The following NCOA3 variants were observed in gnomAD, a reference collection of about 807,000 sequenced individuals.
The protein encoded by NCOA3 is nuclear receptor coactivator 3, also known as CBP-interacting protein.
A neutral mutation model predicts 158.8 loss-of-function variants in NCOA3; 51 were observed. That is an observed-to-expected ratio of 0.32 (90% CI 0.26 to 0.41). The LOEUF is 0.41. NCOA3 is among the 10% of genes least tolerant of loss of function. The pLI is 1.00. For synonymous variants in NCOA3, 537 were observed against 592.4 expected (o/e 0.91, Z 1.36); for missense variants, 1,510 against 1,746.6 (o/e 0.86, Z 2.41).
At chr20:47,653,156 C>T in intron 22 of NCOA3, 84 bp downstream of exon 22, 1 of 1,469,180 alleles carries the variant, frequency 6.8e-7, no homozygotes, top group East Asian at 2.3e-5. Flanking sequence ...ATCAGAATGT[C>T]CTAGGTATAT....
At chr20:47,626,904 A>G in intron 5 of NCOA3, 98 bp from the exon 6 acceptor site, 2 of 1,112,580 alleles carry the variant, frequency 1.8e-6, no homozygotes, top group South Asian at 1.8e-5. Flanking sequence ...TTGTTTCCAA[A>G]TACAGTTACA....
intron 1 of NCOA3, among the ~76,000 whole-genome samples, chr20:47,523,321 C>T (rs764631871): frequency 5.3e-5 from 8 of 152,030 alleles, no homozygotes; most frequent in African/African-American, 9.7e-5. Flanking sequence ...TGAAAAGGGG[C>T]GTGGAATGGG....
At chr20:47,632,155 T>A (rs142952892) in intron 8 of NCOA3, among the ~76,000 whole-genome samples, 1 of 152,340 alleles carries the variant, frequency 6.6e-6, no homozygotes, top group Non-Finnish European at 1.5e-5. Flanking sequence ...TTAGGTTTGA[T>A]GATTTGCTAG....
At chr20:47,568,352 G>C (rs1176018982) in intron 1 of NCOA3, among the ~76,000 whole-genome samples, 1 of 152,116 alleles carries the variant, frequency 6.6e-6, no homozygotes, top group Non-Finnish European at 1.5e-5. Flanking sequence ...AAAAATACAG[G>C]CATACCTCAG....
chr20:47,513,146 G>T (rs1281277227), intron 1 of NCOA3, among the ~76,000 whole-genome samples: 1 of 151,892 alleles, frequency 6.6e-6, no homozygotes, highest in Non-Finnish European at 1.5e-5. Context: ...TCCAGCTGGG[G>T]AAACAGAGCA....
At chr20:47,648,881 C>A (rs776325028) in intron 18 of NCOA3, 124 bp from the exon 19 acceptor site, 7 of 612,328 alleles carry the variant, frequency 1.1e-5, no homozygotes, top group Non-Finnish European at 2.0e-5. Context: ...TCAGTTTAGA[C>A]GTGACTTAGC....
chr20:47,546,382 G>C (rs894272716), intron 1 of NCOA3, among the ~76,000 whole-genome samples: 1 of 152,062 alleles, frequency 6.6e-6, no homozygotes, highest in Non-Finnish European at 1.5e-5. Context: ...TATCCTGTTA[G>C]TAACGTAACA....
intron 1 of NCOA3, among the ~76,000 whole-genome samples, chr20:47,547,819 G>A (rs556384841): frequency 1.4e-4 from 22 of 152,092 alleles, no homozygotes; most frequent in African/African-American, 5.1e-4. Flanking sequence ...GGGTTCAAGC[G>A]ATTGTCGTGC....
At chr20:47,555,012 A>G (rs1319721789) in intron 1 of NCOA3, among the ~76,000 whole-genome samples, 1 of 152,206 alleles carries the variant, frequency 6.6e-6, no homozygotes, top group Non-Finnish European at 1.5e-5. Flanking sequence ...AAACAGAGAT[A>G]TAGACCAATG....
rs35406814 is a variant in NCOA3, at chr20:47,520,061, C to CAAA, written c.-99+18069_-99+18071dup. On this transcript the variant is annotated intron_variant, in intron 1 of 22. Transcript: ENST00000371998. ...ACAGGTGTGAGCAACTGTGCCTGGC[C>CAAA]AAAAAAAAAAAAAAAAAAAAAAAAA... is the stretch of plus-strand genomic sequence containing the variant. Among the ~76,000 whole-genome samples the CAAA allele has an allele frequency of 1.0e-3, 33 of 32,896 alleles. 1 individual carries two copies. The highest frequency in any genetic ancestry group is 4.0e-3 in the Admixed American group (8 of 2,006). 21.6% of individuals were successfully genotyped at this position (32,896 alleles called of 152,430 possible). A position where few individuals can be genotyped will look rare whatever the true frequency, so the allele number is the denominator to read the frequency against.
chr20:47,652,658 C>T, intron 21 of NCOA3, 78 bp downstream of exon 21: 5 of 1,399,710 alleles, frequency 3.6e-6, no homozygotes, highest in Non-Finnish European at 4.9e-6. Flanking sequence ...TTCAGTCAAG[C>T]CTTTTTGGAT....
chr20:47,555,743 A>T (rs2084994513), intron 1 of NCOA3, among the ~76,000 whole-genome samples: 1 of 137,924 alleles, frequency 7.3e-6, no homozygotes, highest in Non-Finnish European at 1.5e-5. Context: ...GGTTCATGCC[A>T]TTCTCCTGCC....
intron 8 of NCOA3, among the ~76,000 whole-genome samples, chr20:47,628,965 T>TAC (rs2086369976): frequency 6.6e-6 from 1 of 152,254 alleles, no homozygotes. Context: ...ATTGGGTTAT[T>TAC]GTCCAAGATC....
chr20:47,617,612 C>T (rs997587197), intron 2 of NCOA3, among the ~76,000 whole-genome samples: 3 of 152,108 alleles, frequency 2.0e-5, no homozygotes, highest in South Asian at 2.1e-4. Flanking sequence ...AAACAAATGC[C>T]ATTTTTGATT....
intron 1 of NCOA3, among the ~76,000 whole-genome samples, chr20:47,559,911 CA>C (rs2085070618): frequency 6.6e-6 from 1 of 151,242 alleles, no homozygotes; most frequent in Non-Finnish European, 1.5e-5. Flanking sequence ...CTTGGCCTCC[CA>C]AAGTGCTAGG....
At chr20:47,585,140 C>T (rs1418257060) in intron 2 of NCOA3, among the ~76,000 whole-genome samples, 2 of 143,428 alleles carry the variant, frequency 1.4e-5, no homozygotes, top group African/African-American at 5.3e-5. Context: ...CAGCTTCTGC[C>T]TCCTGGATTC....
At position 47,636,434 on chromosome 20, in the gene NCOA3, G is replaced by A. The variant is rs1202360619; in HGVS notation, c.2048G>A (p.Arg683Gln). The A allele has an allele frequency of 1.9e-6, 3 of 1,613,934 alleles. No individual in the cohort carries two copies. The highest frequency in any genetic ancestry group is 2.5e-6 in the Non-Finnish European group (3 of 1,180,004). ...GGGTCACTGTTACAAGAGAAGCACC[G>A]GATTTTGCACAAGTTGCTGCAGAAT... ...MHGSLLQEKH[R>Q]ILHKLLQNGN... The change falls in exon 12 of 23, where the codon CGG (arginine) becomes CAG (glutamine). Residue 683 changes from arginine to glutamine, a missense_variant. This residue lies in a region of NCOA3 where 1,017 missense variants were observed against 1,098.3 expected (regional missense o/e 0.93). Transcript: ENST00000371998.
chr20:47,502,411 T>C (rs1364516182), intron 1 of NCOA3, among the ~76,000 whole-genome samples: 1 of 152,176 alleles, frequency 6.6e-6, no homozygotes, highest in East Asian at 1.9e-4. Context: ...GTCGTCCTCC[T>C]GCTGCCCCGG....
chr20:47,561,759 T>G (rs1477861196), intron 1 of NCOA3, among the ~76,000 whole-genome samples: 1 of 152,212 alleles, frequency 6.6e-6, no homozygotes, highest in Non-Finnish European at 1.5e-5. Context: ...GATGAATTTA[T>G]GCTGACACAT....
Sources: gnomAD v4.1 joint callset for allele counts (sites outside exome capture counted in the v4.1 genomes callset) on GRCh38, gnomAD v4.1.1 for gene constraint, gnomAD v4.1.1 regional missense constraint, MANE v1.5 for transcripts, NCBI Gene and HGNC (gene_info 2026-07-23, HGNC 2026-07-21) for gene names.